Variants in KLHL1 observed in about 807,000 individuals in gnomAD.
KLHL1 encodes the protein kelch-like protein 1.
KLHL1 carries 47 observed loss-of-function variants against 77.7 expected under a neutral mutation model. That is an observed-to-expected ratio of 0.60 (90% confidence interval 0.48 to 0.77). The LOEUF (loss-of-function observed/expected upper bound fraction) is 0.77. Among genes scored for constraint, KLHL1 ranks in the 30% least tolerant of loss-of-function variants. The probability of loss-of-function intolerance (pLI) is 0.00; values close to 1 mark genes in which losing one functional copy is unlikely to be tolerated. For synonymous variants in KLHL1, 360 were observed against 325.2 expected (o/e 1.11, Z -1.15); for missense variants, 925 against 910.8 (o/e 1.02, Z -0.20).
chr13:69,840,698 ATATGTATG>A (rs200339697), intron 5 of KLHL1, among the ~76,000 whole-genome samples: 11,910 of 146,254 alleles, frequency 0.081, 600 homozygotes, highest in Non-Finnish European at 0.12. Flanking sequence ...ATATATATAT[ATATGTATG>A]TATGTATGTA....
At chr13:69,866,036 G>A (rs1224065902) in intron 5 of KLHL1, among the ~76,000 whole-genome samples, 1 of 152,084 alleles carries the variant, frequency 6.6e-6, no homozygotes, top group Non-Finnish European at 1.5e-5. Flanking sequence ...AATAGTATAA[G>A]TGACTACTCA....
intron 1 of KLHL1, among the ~76,000 whole-genome samples, chr13:69,978,931 G>T (rs1884625847): frequency 6.6e-6 from 1 of 152,056 alleles, no homozygotes; most frequent in Non-Finnish European, 1.5e-5. Flanking sequence ...AGAATAGAAA[G>T]AAATAGAAAA....
rs77037285 is a variant in KLHL1 at position 69,833,445 on chromosome 13, T to A, written c.1414+5531A>T. On this transcript the variant is annotated intron_variant, in intron 6 of 10. Transcript: ENST00000377844. ...TCCAAGAATGGCTATTGTCAAAAAA[T>A]AAAAAAAAATAGATGTCGACAAGGA... Among the ~76,000 whole-genome samples the A allele has an allele frequency of 2.8e-3, 362 of 129,080 alleles. 1 individual carries two copies. The highest frequency in any genetic ancestry group is 0.011 in the African/African-American group (313 of 27,892). 84.7% of individuals were successfully genotyped at this position (129,080 alleles called of 152,430 possible).
chr13:69,859,314 A>T (rs1880045845), intron 5 of KLHL1, among the ~76,000 whole-genome samples: 1 of 149,784 alleles, frequency 6.7e-6, no homozygotes, highest in Admixed American at 6.7e-5. Flanking sequence ...CTGGAACTAC[A>T]TCACTTGACT....
At chr13:69,979,934 C>G (rs1277511510) in intron 1 of KLHL1, among the ~76,000 whole-genome samples, 1 of 152,182 alleles carries the variant, frequency 6.6e-6, no homozygotes, top group African/African-American at 2.4e-5. Context: ...AACTTCAGTT[C>G]CTGACCCTCC....
chr13:69,933,234 G>C (rs1883064814), intron 4 of KLHL1, among the ~76,000 whole-genome samples: 1 of 151,808 alleles, frequency 6.6e-6, no homozygotes, highest in African/African-American at 2.4e-5. Context: ...ACACTGAAAA[G>C]GAGTAACACA....
At chr13:69,773,896 C>T (rs1346207372) in intron 7 of KLHL1, among the ~76,000 whole-genome samples, 7 of 147,952 alleles carry the variant, frequency 4.7e-5, no homozygotes, top group Non-Finnish European at 8.9e-5. Context: ...TAGAATAAAA[C>T]GTATTGTGGG....
intron 6 of KLHL1, among the ~76,000 whole-genome samples, chr13:69,810,054 A>G (rs981521516): frequency 1.3e-5 from 2 of 152,070 alleles, no homozygotes; most frequent in Non-Finnish European, 2.9e-5. Context: ...ACAATTCTAG[A>G]CCTAAGAAAA....
chr13:69,824,241 C>A (rs1878457185), intron 6 of KLHL1, among the ~76,000 whole-genome samples: 1 of 151,886 alleles, frequency 6.6e-6, no homozygotes. Context: ...GGTTGTTACA[C>A]AACATATGAA....
At chr13:69,763,898 T>C (rs142072544) in intron 7 of KLHL1, among the ~76,000 whole-genome samples, 2 of 152,354 alleles carry the variant, frequency 1.3e-5, no homozygotes, top group East Asian at 3.9e-4. Flanking sequence ...TCCTCTGTTG[T>C]AACCCTTACA....
At chr13:69,843,050 T>C (rs535493319) in intron 5 of KLHL1, among the ~76,000 whole-genome samples, 4 of 151,608 alleles carry the variant, frequency 2.6e-5, no homozygotes, top group East Asian at 3.9e-4. Context: ...GAGTGGGAGA[T>C]ATGGAGAACA....
At chr13:70,007,368 C>CACACAAATACAA (rs1885430531) in intron 1 of KLHL1, among the ~76,000 whole-genome samples, 2 of 151,634 alleles carry the variant, frequency 1.3e-5, no homozygotes, top group African/African-American at 4.8e-5. Flanking sequence ...ACATATACAT[C>CACACAAATACAA]TATATAGGTA....
chr13:69,959,068 A>G (rs1883985225), intron 3 of KLHL1, among the ~76,000 whole-genome samples: 1 of 152,080 alleles, frequency 6.6e-6, no homozygotes, highest in African/African-American at 2.4e-5. Context: ...GTAAACTCAC[A>G]ACTAAAAATT....
intron 2 of KLHL1, among the ~76,000 whole-genome samples, chr13:69,971,276 A>G (rs1884373232): frequency 6.6e-6 from 1 of 152,084 alleles, no homozygotes; most frequent in Non-Finnish European, 1.5e-5. Flanking sequence ...CTGGAACATA[A>G]TCAATGCAGT....
chr13:69,947,632 A>G (rs1883573465), intron 3 of KLHL1, among the ~76,000 whole-genome samples: 1 of 152,128 alleles, frequency 6.6e-6, no homozygotes, highest in Non-Finnish European at 1.5e-5. Flanking sequence ...TTTGGAGGTT[A>G]AGTATTATAA....
chr13:70,002,666 A>G (rs1048668083), intron 1 of KLHL1, among the ~76,000 whole-genome samples: 1 of 151,756 alleles, frequency 6.6e-6, no homozygotes, highest in Non-Finnish European at 1.5e-5. Flanking sequence ...CATCATGTCA[A>G]TGACAAAAGC....
At chr13:69,781,234 T>C (rs1876178295) in intron 7 of KLHL1, among the ~76,000 whole-genome samples, 1 of 151,980 alleles carries the variant, frequency 6.6e-6, no homozygotes, top group South Asian at 2.1e-4. Flanking sequence ...AAAGGAGGTC[T>C]TTGAATCCTA....
chr13:69,793,057 C>T (rs1362809485), intron 7 of KLHL1, among the ~76,000 whole-genome samples: 1 of 151,918 alleles, frequency 6.6e-6, no homozygotes, highest in African/African-American at 2.4e-5. Context: ...TGAAACCAAA[C>T]TAAAAGCAGA....
intron 6 of KLHL1, among the ~76,000 whole-genome samples, chr13:69,819,320 A>T (rs1480383547): frequency 2.0e-5 from 3 of 152,308 alleles, no homozygotes; most frequent in Admixed American, 2.0e-4. Context: ...AATTATATGA[A>T]AATTAGAGGC....
Sources: gnomAD v4.1 joint callset for allele counts (sites outside exome capture counted in the v4.1 genomes callset) on GRCh38, gnomAD v4.1.1 for gene constraint, MANE v1.5 for transcripts, NCBI Gene and HGNC (gene_info 2026-07-23, HGNC 2026-07-21) for gene names.